DAP: variants seen among roughly 807,000 people sequenced by gnomAD.
DAP encodes death associated protein, also known as death-associated protein 1.
In DAP, 8 loss-of-function variants were observed where a neutral mutation model predicts 13.8. That is an observed-to-expected ratio of 0.58 (90% confidence interval 0.34 to 1.05). The LOEUF (loss-of-function observed/expected upper bound fraction) is 1.05. Among genes scored for constraint, DAP ranks in the 50% least tolerant of loss-of-function variants. The probability of loss-of-function intolerance (pLI) is 0.03; values close to 1 mark genes in which losing one functional copy is unlikely to be tolerated. For missense variants in DAP, 106 were observed against 133.2 expected, an observed-to-expected ratio of 0.80 and a Z score of 1.01; for synonymous variants, 47 against 47.5, an observed-to-expected ratio of 0.99 and a Z score of 0.04.
chr5:10,725,445 C>G (rs768507370), intron 2 of DAP, among the ~76,000 whole-genome samples: 2 of 152,192 alleles, frequency 1.3e-5, no homozygotes, highest in Non-Finnish European at 2.9e-5. Context: ...GAAGACTCAC[C>G]AGGGCAGCTG....
In DAP at chr5:10,683,189, G is replaced by C. The variant is rs185877748; in HGVS notation, c.195+340C>G. The C allele has an allele frequency of 2.3e-5, 8 of 349,794 alleles. 1 individual carries two copies. Among genetic ancestry groups the C allele is most frequent in the African/African-American group, 1.7e-4 (8 of 46,320 alleles). The allele number at this position is 349,794 out of a possible 1,614,324, so 21.7% of individuals were successfully genotyped here. The stretch of plus-strand genomic sequence containing the variant: ...TCTTCAGGCATCCTCTGATAAGAAA[G>C]TGAATGTTCTGAGAACAGCAGCCCT... On this transcript the variant is annotated intron_variant, in intron 3 of 3. Coordinates refer to ENST00000230895, the MANE Select transcript of DAP (RefSeq NM_004394.3).
chr5:10,722,124 G>A (rs1739158663), intron 2 of DAP, among the ~76,000 whole-genome samples: 2 of 152,194 alleles, frequency 1.3e-5, no homozygotes, highest in Non-Finnish European at 2.9e-5. Flanking sequence ...TTAATAATGA[G>A]TGTCGACTTG....
chr5:10,749,574 G>A (rs987315412), intron 1 of DAP, among the ~76,000 whole-genome samples: 1 of 152,110 alleles, frequency 6.6e-6, no homozygotes, highest in Non-Finnish European at 1.5e-5. Context: ...TGTGTTGTAA[G>A]GGGTCGGGTA....
At chr5:10,682,958 C>T (rs1375655442) in intron 3 of DAP, 1 of 166,698 alleles carries the variant, frequency 6.0e-6, no homozygotes, top group African/African-American at 2.4e-5. Context: ...CACAGGGCGC[C>T]TACGAGACAG....
intron 2 of DAP, among the ~76,000 whole-genome samples, chr5:10,710,385 T>C (rs916971537): frequency 1.3e-5 from 2 of 152,246 alleles, no homozygotes; most frequent in East Asian, 1.9e-4. Flanking sequence ...GAGGCAGGTT[T>C]AGCTCCTGTT....
At chr5:10,735,513 C>T (rs1739585838) in intron 2 of DAP, among the ~76,000 whole-genome samples, 3 of 152,186 alleles carry the variant, frequency 2.0e-5, no homozygotes, top group Admixed American at 2.0e-4. Flanking sequence ...AATATCTTAC[C>T]ATTCATTTTG....
At chr5:10,706,831 G>C (rs560922168) in intron 2 of DAP, among the ~76,000 whole-genome samples, 2 of 152,064 alleles carry the variant, frequency 1.3e-5, no homozygotes, top group Non-Finnish European at 2.9e-5. Flanking sequence ...CACTGCCCTC[G>C]AGAAAAGGGC....
At chr5:10,705,617 C>CA (rs1410355549) in intron 2 of DAP, among the ~76,000 whole-genome samples, 7 of 152,240 alleles carry the variant, frequency 4.6e-5, no homozygotes, top group Admixed American at 4.6e-4. Flanking sequence ...ACCTGTCAGA[C>CA]AACGGGCATT....
chr5:10,681,471 C>T (rs1204776794), intron 3 of DAP, among the ~76,000 whole-genome samples: 1 of 148,166 alleles, frequency 6.7e-6, no homozygotes, highest in Non-Finnish European at 1.5e-5. Context: ...TGAGGAACGT[C>T]CAGGCCAGCG....
At chr5:10,702,830 A>G (rs762470429) in intron 2 of DAP, among the ~76,000 whole-genome samples, 12 of 152,238 alleles carry the variant, frequency 7.9e-5, no homozygotes, top group Non-Finnish European at 1.5e-4. Flanking sequence ...CATCAAAGGT[A>G]GCTCATCTTG....
chr5:10,733,368 G>A (rs377472408), intron 2 of DAP, among the ~76,000 whole-genome samples: 4 of 152,082 alleles, frequency 2.6e-5, no homozygotes, highest in Non-Finnish European at 4.4e-5. Context: ...AGAAGAGGAC[G>A]AGGGCTAATT....
At chr5:10,739,434 T>C (rs1000699042) in intron 2 of DAP, among the ~76,000 whole-genome samples, 1 of 151,930 alleles carries the variant, frequency 6.6e-6, no homozygotes, top group African/African-American at 2.4e-5. Flanking sequence ...GGTTGAGGTG[T>C]TTTTATATGT....
chr5:10,755,001 G>C (rs1280085934), intron 1 of DAP, among the ~76,000 whole-genome samples: 1 of 152,218 alleles, frequency 6.6e-6, no homozygotes, highest in African/African-American at 2.4e-5. Flanking sequence ...CTCATCAGCT[G>C]ACTGTAAGCT....
chr5:10,689,919 G>A (rs1420007332), intron 2 of DAP, among the ~76,000 whole-genome samples: 1 of 152,078 alleles, frequency 6.6e-6, no homozygotes, highest in African/African-American at 2.4e-5. Flanking sequence ...CAGTCTCTTG[G>A]GGCACAACCA....
chr5:10,744,084 C>T (rs529686112), intron 2 of DAP, among the ~76,000 whole-genome samples: 3 of 151,764 alleles, frequency 2.0e-5, no homozygotes, highest in African/African-American at 4.8e-5. Context: ...TCCACTTGTC[C>T]CTTTTCTCTG....
chr5:10,682,045 T>G (rs1281847339), intron 3 of DAP, among the ~76,000 whole-genome samples: 1 of 150,852 alleles, frequency 6.6e-6, no homozygotes, highest in African/African-American at 2.4e-5. Flanking sequence ...GCATGGTGTT[T>G]GTGGGTGAGG....
intron 2 of DAP, among the ~76,000 whole-genome samples, chr5:10,690,055 G>A (rs1252400809): frequency 6.6e-6 from 1 of 152,146 alleles, no homozygotes; most frequent in Non-Finnish European, 1.5e-5. Context: ...GGCACTGAAA[G>A]AAAAGAACCC....
chr5:10,681,722 C>G (rs571546527), intron 3 of DAP, among the ~76,000 whole-genome samples: 1 of 149,156 alleles, frequency 6.7e-6, no homozygotes. Flanking sequence ...CCAGAGCCCA[C>G]CAGCGTCCCT....
In DAP at chr5:10,714,784, G is replaced by A. The variant is rs543904386; in HGVS notation, c.153-31213C>T. On this transcript the variant is annotated intron_variant, in intron 2 of 3. Coordinates refer to ENST00000230895, the MANE Select transcript of DAP (RefSeq NM_004394.3). Reference sequence around the variant, plus strand: ...TCCTCACAGTTGTGAGTGAGCTCTCGTGAGACCTGGTTGTTTAAAAGTGTG... The same window carrying A: ...TCCTCACAGTTGTGAGTGAGCTCTCATGAGACCTGGTTGTTTAAAAGTGTG... 7.2e-5 allele frequency among the ~76,000 whole-genome samples: 11 copies of A among 152,180 alleles called. No homozygotes were observed. The East Asian group carries it at 1.2e-3, about 16-fold the overall frequency.
Sources: allele counts gnomAD v4.1 joint callset (sites outside exome capture counted in the v4.1 genomes callset), GRCh38; gene constraint gnomAD v4.1.1; transcripts MANE v1.5; gene names NCBI Gene and HGNC (gene_info 2026-07-23, HGNC 2026-07-21).